Variants in ZNF512 observed in about 807,000 individuals in gnomAD.
ZNF512 encodes the protein zinc finger protein 512.
ZNF512 carries 25 observed loss-of-function variants against 77.5 expected under a neutral mutation model. That is an observed-to-expected ratio of 0.32 (90% CI 0.23 to 0.45). The LOEUF is 0.45. Ranked by LOEUF, ZNF512 falls within the 20% of genes least tolerant of loss-of-function variation. ZNF512 has a pLI of 1.00. For missense variants in ZNF512, 483 were observed against 692.6 expected (o/e 0.70, Z 3.40); for synonymous variants, 246 against 239.9 (o/e 1.03, Z -0.24).
intron 9 of ZNF512, among the ~76,000 whole-genome samples, chr2:27,603,863 G>T (rs1224086998): frequency 6.6e-6 from 1 of 151,778 alleles, no homozygotes; most frequent in African/African-American, 2.4e-5. Flanking sequence ...CTCCCAAAGT[G>T]CTGGGATTAT....
At chr2:27,616,993 T>C (rs1672909459) in intron 12 of ZNF512, 1 of 161,668 alleles carries the variant, frequency 6.2e-6, no homozygotes, top group African/African-American at 2.4e-5. Context: ...GAGTTTGTCA[T>C]CTTGATCCTA....
chr2:27,607,737 T>C (rs1672435474), intron 9 of ZNF512, 108 bp from the exon 10 acceptor site: 2 of 1,042,718 alleles, frequency 1.9e-6, no homozygotes, highest in Admixed American at 2.3e-5. Flanking sequence ...GTTAGCAATC[T>C]ACTACATAGC....
chr2:27,619,280 G>T (rs1468248534), intron 13 of ZNF512, among the ~76,000 whole-genome samples: 7 of 152,074 alleles, frequency 4.6e-5, no homozygotes, highest in African/African-American at 1.7e-4. Flanking sequence ...GCGGGCACCT[G>T]TAATCCCAGC....
intron 2 of ZNF512, among the ~76,000 whole-genome samples, chr2:27,594,550 C>T (rs1176678310): frequency 1.4e-4 from 18 of 132,672 alleles, no homozygotes; most frequent in South Asian, 2.5e-4. Flanking sequence ...CGGGCAGAGG[C>T]GCTGGTCACA....
At chr2:27,584,467 A>G (rs1215248370) in intron 2 of ZNF512, among the ~76,000 whole-genome samples, 3 of 152,238 alleles carry the variant, frequency 2.0e-5, no homozygotes, top group Non-Finnish European at 4.4e-5. Context: ...CATTTACTAC[A>G]TGTTTGCTGT....
rs10165335 is a variant in ZNF512 at position 27,591,477 on chromosome 2, G to A, written c.90-6590G>A. Among the ~76,000 whole-genome samples the A allele has an allele frequency of 8.8e-3, 1,336 of 152,138 alleles. 19 individuals carry two copies. The highest frequency in any genetic ancestry group is 0.03 in the African/African-American group (1,226 of 41,484). On this transcript the variant is annotated intron_variant, in intron 2 of 13. Coordinates refer to ENST00000355467, the MANE Select transcript of ZNF512 (RefSeq NM_032434.4). ...TGTCACCAGGCTGGAGCACAGTGGT[G>A]TATCTTGGCTCACTGCAACCTCCGC...
chr2:27,593,047 C>G (rs1446513714), intron 2 of ZNF512, among the ~76,000 whole-genome samples: 1 of 151,774 alleles, frequency 6.6e-6, no homozygotes, highest in Non-Finnish European at 1.5e-5. Context: ...CCCTCCCCTT[C>G]CTGGCTGAAT....
chr2:27,608,393 C>T (rs1672459292), intron 10 of ZNF512, among the ~76,000 whole-genome samples: 1 of 152,136 alleles, frequency 6.6e-6, no homozygotes, highest in Non-Finnish European at 1.5e-5. Context: ...AGTAACAGAA[C>T]TCCTCTCCCC....
At chr2:27,603,590 A>ATATTT (rs1553352045) in intron 9 of ZNF512, among the ~76,000 whole-genome samples, 2,297 of 85,478 alleles carry the variant, frequency 0.027, 90 homozygotes, top group African/African-American at 0.11. Flanking sequence ...GTGTGTGTAT[A>ATATTT]TTTTTTTTTT....
At chr2:27,619,495 T>C (rs779520667) in intron 13 of ZNF512, among the ~76,000 whole-genome samples, 1 of 152,180 alleles carries the variant, frequency 6.6e-6, no homozygotes, top group Non-Finnish European at 1.5e-5. Context: ...ATCAAAAGAA[T>C]TGGAACCAAC....
chr2:27,620,341 C>G (rs1295622399), intron 13 of ZNF512, among the ~76,000 whole-genome samples: 1 of 152,132 alleles, frequency 6.6e-6, no homozygotes, highest in Non-Finnish European at 1.5e-5. Context: ...TGGTGCAAGA[C>G]TAAAAGCTTC....
chr2:27,610,546 A>ATG (rs1672591052), intron 10 of ZNF512, among the ~76,000 whole-genome samples: 1 of 18,618 alleles, frequency 5.4e-5, no homozygotes, highest in Admixed American at 8.2e-4. Flanking sequence ...ATGTGTGTGT[A>ATG]TATATATATA....
At chr2:27,596,606 C>G (rs560587366) in intron 2 of ZNF512, among the ~76,000 whole-genome samples, 1 of 152,356 alleles carries the variant, frequency 6.6e-6, no homozygotes, top group East Asian at 1.9e-4. Flanking sequence ...ATTTGGGGCA[C>G]TTCTCCCAAC....
At chr2:27,586,210 A>C (rs962323201) in intron 2 of ZNF512, among the ~76,000 whole-genome samples, 1 of 115,404 alleles carries the variant, frequency 8.7e-6, no homozygotes, top group African/African-American at 3.5e-5. Flanking sequence ...GGTACCATCA[A>C]GTCTTTGTTG....
chr2:27,616,396 T>C (rs1672880829), intron 12 of ZNF512, 72 bp downstream of exon 12: 4 of 1,191,012 alleles, frequency 3.4e-6, no homozygotes, highest in Non-Finnish European at 5.0e-6. Flanking sequence ...GAATTCAGTT[T>C]AGGTGAACAG....
chr2:27,608,547 A>G (rs1572926983), intron 10 of ZNF512, among the ~76,000 whole-genome samples: 1 of 152,010 alleles, frequency 6.6e-6, no homozygotes, highest in Non-Finnish European at 1.5e-5. Flanking sequence ...TTGTTCCCCT[A>G]CACGGCCCCA....
intron 7 of ZNF512, among the ~76,000 whole-genome samples, chr2:27,602,176 A>G (rs966074033): frequency 2.0e-5 from 3 of 152,254 alleles, no homozygotes; most frequent in African/African-American, 7.2e-5. Context: ...TTTTGATAAA[A>G]GAGTTATGCA....
At chr2:27,602,686 A>G (rs1672175141) in intron 8 of ZNF512, 125 bp downstream of exon 8, 1 of 727,300 alleles carries the variant, frequency 1.4e-6, no homozygotes, top group African/African-American at 1.8e-5. Flanking sequence ...GGTCTCTTGA[A>G]TCATTAATAG....
At chr2:27,617,308 C>T in intron 12 of ZNF512, 165 bp from the exon 13 acceptor site, 1 of 584,078 alleles carries the variant, frequency 1.7e-6, no homozygotes. Flanking sequence ...TGATAATCAT[C>T]CATCCAAGCT....
Sources: gnomAD v4.1 joint callset for allele counts (sites outside exome capture counted in the v4.1 genomes callset) on GRCh38, gnomAD v4.1.1 for gene constraint, MANE v1.5 for transcripts, NCBI Gene and HGNC (gene_info 2026-07-23, HGNC 2026-07-21) for gene names.